HPSE: variants seen among roughly 807,000 people sequenced by gnomAD.
HPSE encodes the protein endo-glucoronidase.
HPSE carries 48 observed loss-of-function variants against 65.1 expected under a neutral mutation model. That is an observed-to-expected ratio of 0.74 (90% CI 0.58 to 0.94). HPSE has a LOEUF of 0.94. HPSE is among the 40% of genes least tolerant of loss of function. The probability of loss-of-function intolerance (pLI) is 0.00; values close to 1 mark genes in which losing one functional copy is unlikely to be tolerated. For missense variants in HPSE, 644 were observed against 637.5 expected (o/e 1.01, Z -0.11); for synonymous variants, 243 against 260.0 (o/e 0.93, Z 0.63).
At chr4:83,323,289 C>T (rs1736999220) in intron 1 of HPSE, among the ~76,000 whole-genome samples, 1 of 152,088 alleles carries the variant, frequency 6.6e-6, no homozygotes, top group African/African-American at 2.4e-5. Context: ...ATAGAATGTA[C>T]ACCGACAGTG....
At chr4:83,313,745 T>C (rs1296423997) in intron 3 of HPSE, among the ~76,000 whole-genome samples, 1 of 152,230 alleles carries the variant, frequency 6.6e-6, no homozygotes, top group African/African-American at 2.4e-5. Context: ...ATTTATTAAT[T>C]TAAAATGAAT....
chr4:83,313,161 T>G lies in HPSE; in HGVS notation c.626A>C (p.Asp209Ala). The change falls in exon 4 of 12, where the codon GAC becomes GCC. Residue 209 changes from aspartate (D) to alanine (A), a missense_variant. Coordinates refer to ENST00000311412, the MANE Select transcript of HPSE (RefSeq NM_001098540.3). ...WNSSNAQLLLDYCSSKGYNIS... is the reference protein window; with the variant it reads ...WNSSNAQLLLAYCSSKGYNIS... ...GTTATACCCCTTGGAAGAGCAGTAG[T>G]CCAGGAGCAACTGAGCATTAGAACT... 6.2e-7 allele frequency: 1 copy of G among 1,613,904 alleles called. No individual in the cohort carries two copies. Among genetic ancestry groups the G allele is most frequent in the Non-Finnish European group, 8.5e-7 (1 of 1,179,792 alleles).
chr4:83,299,784 G>A (rs765560557), intron 11 of HPSE, among the ~76,000 whole-genome samples: 3 of 151,940 alleles, frequency 2.0e-5, no homozygotes, highest in Non-Finnish European at 2.9e-5. Context: ...GCTCACTGCA[G>A]CCATGACCCC....
At chr4:83,319,567 G>A (rs1481853068) in intron 2 of HPSE, 98 bp from the exon 3 acceptor site, 2 of 1,234,356 alleles carry the variant, frequency 1.6e-6, no homozygotes, top group East Asian at 4.8e-5. Context: ...GACTAAAGCA[G>A]GATAATTAAG....
Position 83,310,751 on chromosome 4 carries a change from A to G in HPSE, c.813T>C (p.Pro271=), listed in dbSNP as rs148701049. The G allele has an allele frequency of 1.9e-6, 3 of 1,613,500 alleles. No homozygotes were observed. In the African/African-American group the frequency reaches 4.0e-5, roughly 22 times the overall value. The change falls in exon 5 of 12, where the codon CCT becomes CCC. Residue 271 remains proline (P), a synonymous_variant. Transcript: ENST00000311412. ...TCAGCATCTTAGCCGTCTTTCTTCG[A>G]GGCTGACCAACATCAGGACCATAGA... The part of the protein sequence containing the change: ...AKLYGPDVGQ[P]RRKTAKMLKS...
chr4:83,334,639 C>T lies in HPSE; in HGVS notation c.144G>A (p.Pro48=), dbSNP rs1737541199. The T allele has an allele frequency of 1.3e-6, 2 of 1,586,978 alleles. No homozygotes were observed. Among genetic ancestry groups the T allele is most frequent in the Non-Finnish European group, 1.7e-6 (2 of 1,166,640 alleles). Residue 48 remains proline (P), a synonymous_variant, in exon 1 of 12, where the codon CCG becomes CCA. Coordinates refer to ENST00000311412, the MANE Select transcript of HPSE (RefSeq NM_001098540.3). The stretch of plus-strand genomic sequence containing the variant: ...GGAACGAGGGGCTCACCAGGTGCAG[C>T]GGCTCCTGGGTGAAGAAGTCCAGGT... ...VVDLDFFTQE[P]LHLVSPSFLS... is the part of the protein sequence containing the mutation.
intron 3 of HPSE, among the ~76,000 whole-genome samples, chr4:83,315,102 G>A (rs1178663052): frequency 2.7e-5 from 4 of 150,620 alleles, no homozygotes; most frequent in African/African-American, 9.8e-5. Flanking sequence ...GCAGTGAGCC[G>A]AGATTGTGCC....
Position 83,295,496 on chromosome 4 carries a change from G to A in HPSE, c.1480C>T (p.Gln494Ter), listed in dbSNP as rs144185023. The change falls in exon 12 of 12, where the codon CAA becomes TAA. Residue 494 changes from glutamine to a stop codon, truncating the protein, a stop_gained. Transcript: ENST00000311412. LOFTEE classifies it high-confidence loss of function. The stretch of plus-strand genomic sequence containing the variant: ...ATCTTTAGAGTTAGACCATTGAGTT[G>A]GACAGATCTGCAAAGGAGAAAGATA... The part of the protein sequence containing the change: ...GPHGLLSKSV[Q>*]LNGLTLKMVD... 1.5e-3 allele frequency: 2,405 copies of A among 1,592,108 alleles called. 5 individuals are homozygous for A. Among genetic ancestry groups the A allele is most frequent in the Middle Eastern group, 2.5e-3 (15 of 5,972 alleles).
chr4:83,319,973 T>A (rs1217048906), intron 2 of HPSE, among the ~76,000 whole-genome samples: 1 of 138,822 alleles, frequency 7.2e-6, no homozygotes, highest in East Asian at 2.1e-4. Context: ...TGAGCCGAGA[T>A]CACGTCACTG....
chr4:83,318,535 A>G (rs1486126843), intron 3 of HPSE, among the ~76,000 whole-genome samples: 1 of 152,092 alleles, frequency 6.6e-6, no homozygotes, highest in Non-Finnish European at 1.5e-5. Flanking sequence ...TCAATAATCA[A>G]TAATATGATC....
intron 6 of HPSE, 123 bp from the exon 7 acceptor site, chr4:83,309,618 A>C (rs1176597082): frequency 1.5e-6 from 1 of 660,986 alleles, no homozygotes; most frequent in Non-Finnish European, 2.7e-6. Context: ...AAAAGGTAGA[A>C]GTTCTACTAG....
intron 4 of HPSE, among the ~76,000 whole-genome samples, chr4:83,311,643 T>C (rs1736379301): frequency 6.6e-6 from 1 of 151,658 alleles, no homozygotes; most frequent in Non-Finnish European, 1.5e-5. Flanking sequence ...AGAAAAAAAA[T>C]TGGCTAGGCA....
In HPSE at chr4:83,295,399, G is replaced by T. The variant is rs1191077744; in HGVS notation, c.1577C>A (p.Ala526Asp). ...LRPGSSLGLP[A>D]FSYSFFVIRN... Reference sequence around the variant, plus strand: ...TATCACAAAAAAACTATATGAGAAAGCTGGCAAGCCCAGTGAACTTCCTGG... The same window carrying T: ...TATCACAAAAAAACTATATGAGAAATCTGGCAAGCCCAGTGAACTTCCTGG... The change falls in exon 12 of 12, where the codon GCT becomes GAT. Residue 526 changes from alanine (A) to aspartate (D), a missense_variant. Physicochemically the swap from Ala to Asp is moderately radical, Grantham distance 126 (BLOSUM62 -2). Transcript: ENST00000311412. The T allele has an allele frequency of 1.2e-5, 19 of 1,613,070 alleles. No homozygotes were observed. The highest frequency in any genetic ancestry group is 1.5e-5 in the Non-Finnish European group (18 of 1,179,372).
chr4:83,316,550 A>G (rs925051339), intron 3 of HPSE, among the ~76,000 whole-genome samples: 61 of 152,200 alleles, frequency 4.0e-4, no homozygotes, highest in African/African-American at 1.4e-3. Context: ...GGACTGTACC[A>G]TGTAAGTCTA....
intron 1 of HPSE, among the ~76,000 whole-genome samples, chr4:83,334,277 G>C (rs1429083520): frequency 1.3e-5 from 2 of 152,254 alleles, no homozygotes; most frequent in Non-Finnish European, 1.5e-5. Context: ...GTTACACTAA[G>C]AGCCCAGATG....
intron 4 of HPSE, 152 bp from the exon 5 acceptor site, chr4:83,311,042 C>A (rs951101544): frequency 1.1e-5 from 7 of 661,298 alleles, no homozygotes; most frequent in Non-Finnish European, 1.5e-5. Context: ...GGCGCTATGG[C>A]TCATGCCTGT....
chr4:83,309,910 C>G (rs1736300600), intron 6 of HPSE, 121 bp downstream of exon 6: 2 of 671,228 alleles, frequency 3.0e-6, no homozygotes, highest in Non-Finnish European at 5.2e-6. Context: ...ACTTGAGACA[C>G]TATTTGTTTC....
At chr4:83,323,818 A>C (rs1267473882) in intron 1 of HPSE, among the ~76,000 whole-genome samples, 1 of 152,244 alleles carries the variant, frequency 6.6e-6, no homozygotes, top group Non-Finnish European at 1.5e-5. Context: ...CAAATGCTAG[A>C]AAATGGAATT....
At chr4:83,313,727 C>A (rs1254638445) in intron 3 of HPSE, among the ~76,000 whole-genome samples, 1 of 151,706 alleles carries the variant, frequency 6.6e-6, no homozygotes, top group Non-Finnish European at 1.5e-5. Context: ...AAAAAAATTC[C>A]TGTTATGATT....
Sources: gnomAD v4.1 joint callset for allele counts (sites outside exome capture counted in the v4.1 genomes callset) on GRCh38, gnomAD v4.1.1 for gene constraint, MANE v1.5 for transcripts, NCBI Gene and HGNC (gene_info 2026-07-23, HGNC 2026-07-21) for gene names.